DLG3: variants seen among roughly 807,000 people sequenced by gnomAD.
DLG3 encodes discs large MAGUK scaffold protein 3.
Under a neutral mutation model 64.1 loss-of-function variants are expected in DLG3, and 1 was observed. That is an observed-to-expected ratio of 0.02 (90% CI 0.01 to 0.07). The LOEUF is 0.07. Ranked by LOEUF, DLG3 falls within the 10% of genes least tolerant of loss-of-function variation. The pLI is 1.00. For synonymous variants in DLG3, 245 were observed against 259.8 expected (o/e 0.94, Z 0.55); for missense variants, 429 against 669.5 (o/e 0.64, Z 3.96).
chrX:70,493,589 C>T, intron 12 of DLG3: 1 of 624,056 alleles, frequency 1.6e-6, no homozygotes, highest in South Asian at 2.4e-5. Context: ...TCGTGCCTGC[C>T]TGTGTGCGTG....
chrX:70,484,747 G>T (rs2147856025), intron 10 of DLG3, among the ~76,000 whole-genome samples: 1 of 111,527 alleles, frequency 9.0e-6, no homozygotes, highest in African/African-American at 3.3e-5. Context: ...GGGCTAATTG[G>T]TCCTTGAATG....
At chrX:70,489,194 A>G (rs2087311139) in intron 10 of DLG3, among the ~76,000 whole-genome samples, 1 of 112,573 alleles carries the variant, frequency 8.9e-6, no homozygotes. Context: ...TACAATTCCC[A>G]ATGTGCAGAG....
rs58272461 is a variant in DLG3, at chrX:70,501,413, C to CTGTG, written c.2347+450_2347+453dup. Among the ~76,000 whole-genome samples, 317 of 93,887 alleles carry CTGTG rather than the reference C, an allele frequency of 3.4e-3. 4 individuals are homozygous for CTGTG. The highest frequency in any genetic ancestry group is 0.011 in the African/African-American group (278 of 24,442). 81.5% of individuals were successfully genotyped at this position (93,887 alleles called of 115,157 possible). A position where few individuals can be genotyped will look rare whatever the true frequency, so the allele number is the denominator to read the frequency against. ...TCTGTTGGGGTGTCTGTCTGTCTGTCTGTGTGTGTGTGTGTGTGTGTGTGT... is the reference window on the plus strand; with the variant it reads ...TCTGTTGGGGTGTCTGTCTGTCTGTCTGTGTGTGTGTGTGTGTGTGTGTGTGTGT... On this transcript the variant is annotated intron_variant, in intron 18 of 18. Transcript: ENST00000374360.
At position 70,482,216 on chromosome X, in the gene DLG3, G is replaced by A. The variant is rs183964662; in HGVS notation, c.1520+2952G>A. Among the ~76,000 whole-genome samples, 506 of 112,382 alleles carry A rather than the reference G, an allele frequency of 4.5e-3. 3 individuals are homozygous for A. Among genetic ancestry groups the A allele is most frequent in the Non-Finnish European group, 7.2e-3 (382 of 53,257 alleles). Reference sequence around the variant, plus strand: ...AATTCGATCTTTAGTCACTCAAGGTGTTACAGAAGAGGCTGGGCAACCATT... The same window carrying A: ...AATTCGATCTTTAGTCACTCAAGGTATTACAGAAGAGGCTGGGCAACCATT... On this transcript the variant is annotated intron_variant, in intron 10 of 18. Coordinates refer to ENST00000374360, the MANE Select transcript of DLG3 (RefSeq NM_021120.4).
Position 70,450,813 on chromosome X carries a change from C to T in DLG3, c.985+30C>T, listed in dbSNP as rs762074319. The T allele has an allele frequency of 2.2e-5, 27 of 1,208,645 alleles. No individual in the cohort carries two copies. In the Admixed American group the frequency reaches 5.9e-4, roughly 26 times the overall value. ...GTACTCATCAGCCCCTGTCCCTGGTCTAAAGCTCTGTCCCCTGGTTTCTGG... is the reference window on the plus strand; with the variant it reads ...GTACTCATCAGCCCCTGTCCCTGGTTTAAAGCTCTGTCCCCTGGTTTCTGG... On this transcript the variant is annotated intron_variant, in intron 6 of 18. Coordinates refer to ENST00000374360, the MANE Select transcript of DLG3 (RefSeq NM_021120.4).
chrX:70,474,853 T>A (rs755628039), intron 9 of DLG3, among the ~76,000 whole-genome samples: 1 of 112,441 alleles, frequency 8.9e-6, no homozygotes, highest in South Asian at 3.7e-4. Flanking sequence ...CAAAGGTAAA[T>A]TCTGCCTCCA....
chrX:70,479,177 A>T lies in DLG3; in HGVS notation c.1433A>T (p.His478Leu). The stretch of plus-strand genomic sequence containing the variant: ...TACAGTCGCTTTGAATCGAAGATAC[A>T]TGACTTACGAGAACAAATGATGAAC... ...EEYSRFESKI[H>L]DLREQMMNSS... Residue 478 changes from histidine to leucine, a missense_variant, in exon 10 of 19, where the codon CAT becomes CTT. Transcript: ENST00000374360. 8.3e-7 allele frequency: 1 copy of T among 1,210,919 alleles called. No homozygotes were observed. The highest frequency in any genetic ancestry group is 1.1e-6 in the Non-Finnish European group (1 of 894,642).
At position 70,497,308 on chromosome X, in the gene DLG3, T is replaced by G. The variant is rs980271118; in HGVS notation, c.1820-1212T>G. On this transcript the variant is annotated intron_variant, in intron 13 of 18. Transcript: ENST00000374360. ...TCCAGTGTTGCACAGCTGCCATTGCTGCTCAGAGGCTGGTGCTTCTTTTAG... is the reference window on the plus strand; with the variant it reads ...TCCAGTGTTGCACAGCTGCCATTGCGGCTCAGAGGCTGGTGCTTCTTTTAG... 9.6e-6 allele frequency: 9 copies of G among 940,774 alleles called. No individual in the cohort carries two copies. In the South Asian group the frequency reaches 1.8e-4, roughly 19 times the overall value. 77.5% of individuals were successfully genotyped at this position (940,774 alleles called of 1,213,427 possible).
At chrX:70,448,369 C>T (rs755890257) in intron 1 of DLG3, among the ~76,000 whole-genome samples, 1 of 112,334 alleles carries the variant, frequency 8.9e-6, no homozygotes, top group African/African-American at 3.2e-5. Context: ...TCTGGGCCTC[C>T]GTGTCACCTA....
intron 9 of DLG3, among the ~76,000 whole-genome samples, chrX:70,477,824 C>T (rs944982241): frequency 8.9e-6 from 1 of 111,817 alleles, no homozygotes; most frequent in Non-Finnish European, 1.9e-5. Context: ...ATTCCTTCCC[C>T]TTTAGGCTTT....
intron 10 of DLG3, among the ~76,000 whole-genome samples, chrX:70,482,660 GTGTTTTTTTT>G (rs2087177706): frequency 1.4e-5 from 1 of 69,245 alleles, no homozygotes; most frequent in Admixed American, 1.8e-4. Flanking sequence ...TACATGTGTG[GTGTTTTTTTT>G]TTTTTTTTTT....
intron 15 of DLG3, 128 bp from the exon 16 acceptor site, chrX:70,499,749 C>T (rs1234894843): frequency 7.7e-6 from 5 of 646,064 alleles, no homozygotes; most frequent in East Asian, 3.6e-5. Context: ...TTGTTTTCTC[C>T]CACTTACTTG....
chrX:70,497,296 A>G (rs1002591508), intron 13 of DLG3: 2 of 1,009,358 alleles, frequency 2.0e-6, no homozygotes, highest in Admixed American at 2.2e-5. Flanking sequence ...AGTGTTGCAC[A>G]GCTGCCATTG....
At chrX:70,492,628 T>C in intron 12 of DLG3, 32 bp downstream of exon 12, 1 of 1,159,627 alleles carries the variant, frequency 8.6e-7, no homozygotes. Context: ...AATCAGCCAG[T>C]AGGTAAAGAG....
intron 16 of DLG3, 146 bp downstream of exon 16, chrX:70,500,195 G>A: frequency 5.6e-6 from 3 of 536,970 alleles, no homozygotes; most frequent in South Asian, 3.1e-5. Flanking sequence ...GCGCCTTGAC[G>A]AAGCTATCTG....
At position 70,449,710 on chromosome X, in the gene DLG3, G is replaced by A; in HGVS notation, c.554G>A (p.Arg185Gln). 1.7e-6 allele frequency: 2 copies of A among 1,210,932 alleles called. No individual in the cohort carries two copies. Among genetic ancestry groups the A allele is most frequent in the Non-Finnish European group, 2.2e-6 (2 of 895,385 alleles). Residue 185 changes from arginine (R) to glutamine (Q), a missense_variant, in exon 4 of 19, where the codon CGG (arginine) becomes CAG (glutamine). Physicochemically the swap from Arg to Gln is conservative, Grantham distance 43. Coordinates refer to ENST00000374360, the MANE Select transcript of DLG3 (RefSeq NM_021120.4). ...CACAGGGTGAATGACTGTGTGCTGC[G>A]GGTGAATGAGGTGGACGTGTCGGAG... The part of the protein sequence containing the change: ...GRLGVNDCVL[R>Q]VNEVDVSEVV...
At position 70,475,800 on chromosome X, in the gene DLG3, T is replaced by A. The variant is rs141900954; in HGVS notation, c.1406-3350T>A. ...TTTTAAAAAGTGTAAACTCAGCAGCTTTCTTTGCAGGCACATAAGACTGTG... is the reference window on the plus strand; with the variant it reads ...TTTTAAAAAGTGTAAACTCAGCAGCATTCTTTGCAGGCACATAAGACTGTG... On this transcript the variant is annotated intron_variant, in intron 9 of 18. Coordinates refer to ENST00000374360, the MANE Select transcript of DLG3 (RefSeq NM_021120.4). 3.9e-3 allele frequency among the ~76,000 whole-genome samples: 433 copies of A among 112,287 alleles called. 2 individuals are homozygous for A. Among genetic ancestry groups the A allele is most frequent in the African/African-American group, 0.013 (401 of 30,958 alleles).
chrX:70,479,293 T>A (rs1379592361), intron 10 of DLG3, 29 bp downstream of exon 10: 10 of 1,082,010 alleles, frequency 9.2e-6, no homozygotes, highest in Admixed American at 6.6e-5. Context: ...CACTAGCCCT[T>A]GTGCTGGACG....
intron 10 of DLG3, among the ~76,000 whole-genome samples, chrX:70,484,518 C>T (rs1334509490): frequency 9.0e-6 from 1 of 111,507 alleles, no homozygotes; most frequent in East Asian, 2.8e-4. Flanking sequence ...GCAGGCTTCA[C>T]TAGCTGATAG....
Sources: gnomAD v4.1 joint callset for allele counts (sites outside exome capture counted in the v4.1 genomes callset) on GRCh38, gnomAD v4.1.1 for gene constraint, MANE v1.5 for transcripts, NCBI Gene and HGNC (gene_info 2026-07-23, HGNC 2026-07-21) for gene names.